The following ATP2C1 variants were observed in gnomAD, a reference collection of about 807,000 sequenced individuals.
ATP2C1 encodes the protein ATPase secretory pathway Ca2+ transporting 1.
ATP2C1 carries 31 observed loss-of-function variants against 120.5 expected under a neutral mutation model. The observed-to-expected ratio is 0.26, with a 90% CI of 0.19 to 0.35. ATP2C1 has a LOEUF of 0.35. Ranked by LOEUF, ATP2C1 falls within the 10% of genes least tolerant of loss-of-function variation. The pLI is 1.00. For synonymous variants in ATP2C1, 351 were observed against 358.7 expected, an observed-to-expected ratio of 0.98 and a Z score of 0.24; for missense variants, 731 against 1,107.5, an observed-to-expected ratio of 0.66 and a Z score of 4.83.
Position 130,930,137 on chromosome 3 carries a change from T to C in ATP2C1, c.7-279T>C, listed in dbSNP as rs2059391441. 1.7e-4 allele frequency: 70 copies of C among 418,950 alleles called. 2 individuals carry two copies. Among genetic ancestry groups the C allele is most frequent in the South Asian group, 1.5e-3 (70 of 48,048 alleles). The allele number at this position is 418,950 out of a possible 1,614,324, so 26.0% of individuals were successfully genotyped here. On this transcript the variant is annotated intron_variant, in intron 2 of 27. Coordinates refer to ENST00000510168, the MANE Select transcript of ATP2C1 (RefSeq NM_001378687.1). ...ACAGGACATCTGTTTTACTTTTTAC[T>C]CTTATGTTGGTGGAGAAATAGCGTG...
chr3:130,893,743 C>G (rs1301480663), upstream of ATP2C1, among the ~76,000 whole-genome samples: 2 of 152,146 alleles, frequency 1.3e-5, no homozygotes, highest in African/African-American at 4.8e-5. Context: ...CGACACGGGG[C>G]GTGGGCGAAT....
At chr3:130,978,036 C>A (rs2061599182) in intron 18 of ATP2C1, among the ~76,000 whole-genome samples, 1 of 152,120 alleles carries the variant, frequency 6.6e-6, no homozygotes, top group Non-Finnish European at 1.5e-5. Flanking sequence ...AGGATACTAA[C>A]CTCTAGACTA....
chr3:130,895,890 C>T (rs976395667), intron 2 of ATP2C1, among the ~76,000 whole-genome samples: 1 of 152,090 alleles, frequency 6.6e-6, no homozygotes, highest in African/African-American at 2.4e-5. Context: ...GGATAATTGG[C>T]GGAAGACATT....
chr3:130,959,912 A>G (rs1034181684), intron 12 of ATP2C1, among the ~76,000 whole-genome samples: 10 of 152,192 alleles, frequency 6.6e-5, no homozygotes, highest in Admixed American at 5.2e-4. Flanking sequence ...TTAGAATGAG[A>G]TAAAATGATG....
chr3:130,955,566 C>A (rs1331866846), intron 10 of ATP2C1, among the ~76,000 whole-genome samples: 2 of 152,168 alleles, frequency 1.3e-5, no homozygotes, highest in Non-Finnish European at 2.9e-5. Context: ...AAGCTTCATT[C>A]TGCAAATGTC....
chr3:130,919,014 A>AC (rs2058816981), intron 2 of ATP2C1: 6 of 448,618 alleles, frequency 1.3e-5, no homozygotes, highest in South Asian at 1.0e-4. Context: ...AAACAAACAA[A>AC]AAGCAGTAGC....
chr3:130,980,138 G>A (rs937243984), intron 19 of ATP2C1, among the ~76,000 whole-genome samples: 2 of 151,998 alleles, frequency 1.3e-5, no homozygotes, highest in East Asian at 1.9e-4. Context: ...GTCTGGCTTC[G>A]GACACTGTAC....
chr3:130,916,239 C>G (rs2058681646), intron 2 of ATP2C1, among the ~76,000 whole-genome samples: 1 of 144,468 alleles, frequency 6.9e-6, no homozygotes, highest in Admixed American at 6.9e-5. Flanking sequence ...AACCCTGTCT[C>G]TACTCAAAAA....
At position 131,001,392 on chromosome 3, in the gene ATP2C1, C is replaced by T; in HGVS notation, c.*42C>T. On this transcript the variant is annotated 3_prime_UTR_variant, in exon 28 of 28. Coordinates refer to ENST00000510168, the MANE Select transcript of ATP2C1 (RefSeq NM_001378687.1). ...TTATTTGCAAACTAGGAATTGCAGT[C>T]TGAGGATCATTTAGAAGGGCAAGTT... The T allele has an allele frequency of 3.1e-6, 5 of 1,604,864 alleles. No homozygotes were observed. The highest frequency in any genetic ancestry group is 4.3e-6 in the Non-Finnish European group (5 of 1,175,028).
At chr3:130,912,013 A>G (rs1304434941) in intron 2 of ATP2C1, among the ~76,000 whole-genome samples, 2 of 103,442 alleles carry the variant, frequency 1.9e-5, no homozygotes, top group Non-Finnish European at 3.9e-5. Flanking sequence ...AGGATTCCCT[A>G]TTTAATAAAT....
intron 2 of ATP2C1, chr3:130,928,390 G>A (rs2059308310): frequency 6.6e-6 from 1 of 152,126 alleles, no homozygotes; most frequent in Admixed American, 6.5e-5. Context: ...GCTACTTTGA[G>A]CCCATGGAAT....
At chr3:130,967,517 A>G in intron 16 of ATP2C1, 98 bp downstream of exon 16, 1 of 1,023,130 alleles carries the variant, frequency 9.8e-7, no homozygotes, top group Non-Finnish European at 1.5e-6. Context: ...TTAGGTATTG[A>G]GTGAAAAAAA....
rs576073243 is a variant in ATP2C1, at chr3:130,995,256, T to C, written c.2058-787T>C. 5.3e-5 allele frequency among the ~76,000 whole-genome samples: 8 copies of C among 151,518 alleles called. No homozygotes were observed. The South Asian group carries it at 1.7e-3, about 32-fold the overall frequency. ...TGTCAAAACCCATCTCTCCAAACAA[T>C]ACAAAAAAAATAGCTGGGAGTGGTG... is the stretch of plus-strand genomic sequence containing the variant. On this transcript the variant is annotated intron_variant, in intron 22 of 27. Transcript: ENST00000510168.
Position 131,001,986 on chromosome 3 carries a change from T to C in ATP2C1, c.*636T>C, listed in dbSNP as rs2062907992. 3.0e-6 allele frequency: 3 copies of C among 983,934 alleles called. No individual in the cohort carries two copies. The highest frequency in any genetic ancestry group is 3.6e-6 in the Non-Finnish European group (3 of 828,338). The allele number at this position is 983,934 out of a possible 1,614,324, so 61.0% of individuals were successfully genotyped here. On this transcript the variant is annotated 3_prime_UTR_variant, in exon 28 of 28. Transcript: ENST00000510168. ...ACTACAATTTGAAGTAAATTTTTGT[T>C]TTTCTTAGTAAGTGTAAATGGTTGC...
At chr3:130,979,837 A>G (rs1349158939) in intron 19 of ATP2C1, among the ~76,000 whole-genome samples, 1 of 152,184 alleles carries the variant, frequency 6.6e-6, no homozygotes, top group Non-Finnish European at 1.5e-5. Flanking sequence ...TTCATCATGT[A>G]TACCTATATT....
At chr3:130,994,710 AT>A (rs1166948892) in intron 22 of ATP2C1, among the ~76,000 whole-genome samples, 1 of 152,104 alleles carries the variant, frequency 6.6e-6, no homozygotes, top group Non-Finnish European at 1.5e-5. Context: ...TTAGTGATAA[AT>A]TCCAATTATA....
At chr3:130,875,076 A>C (rs2068557233) in intron 1 of ATP2C1, among the ~76,000 whole-genome samples, 1 of 152,212 alleles carries the variant, frequency 6.6e-6, no homozygotes. Context: ...TCATCAAGTA[A>C]GGGCAATTAG....
chr3:130,874,100 A>T (rs2068522143), intron 1 of ATP2C1, among the ~76,000 whole-genome samples: 3 of 149,390 alleles, frequency 2.0e-5, no homozygotes, highest in Non-Finnish European at 3.0e-5. Context: ...ACAGAACGAG[A>T]CTCTGTCTCA....
chr3:130,950,679 ATTTGAG>A (rs2060334036), intron 8 of ATP2C1, among the ~76,000 whole-genome samples: 1 of 152,116 alleles, frequency 6.6e-6, no homozygotes, highest in South Asian at 2.1e-4. Flanking sequence ...TTTCATGATC[ATTTGAG>A]TTTTAGTTGC....
Sources: gnomAD v4.1 joint callset for allele counts (sites outside exome capture counted in the v4.1 genomes callset) on GRCh38, gnomAD v4.1.1 for gene constraint, MANE v1.5 for transcripts, NCBI Gene and HGNC (gene_info 2026-07-23, HGNC 2026-07-21) for gene names.